The following KIRREL3 variants were observed in gnomAD, a reference collection of about 807,000 sequenced individuals.
KIRREL3 encodes kin of IRRE-like protein 3.
A neutral mutation model predicts 89.7 loss-of-function variants in KIRREL3; 36 were observed. The ratio of observed to expected loss-of-function variants is 0.40; its 90% CI spans 0.31 to 0.53. The LOEUF (loss-of-function observed/expected upper bound fraction) is 0.53. Ranked by LOEUF, KIRREL3 falls within the 20% of genes least tolerant of loss-of-function variation. KIRREL3 has a pLI of 0.49. For missense variants in KIRREL3, 864 were observed against 1,056.6 expected (o/e 0.82, Z 2.53); for synonymous variants, 445 against 441.4 (o/e 1.01, Z -0.10).
chr11:126,942,333 G>GTCA (rs908803200), intron 1 of KIRREL3, among the ~76,000 whole-genome samples: 14 of 152,018 alleles, frequency 9.2e-5, no homozygotes, highest in East Asian at 1.9e-4. Flanking sequence ...TTAACATGAT[G>GTCA]TCATCATCAT....
chr11:126,450,832 TGC>T (rs1956052587), intron 7 of KIRREL3, among the ~76,000 whole-genome samples: 1 of 150,250 alleles, frequency 6.7e-6, no homozygotes, highest in Non-Finnish European at 1.5e-5. Context: ...TATGTGTGTA[TGC>T]GTGTATAGAT....
rs1382310357 is a variant in KIRREL3, at chr11:126,431,468, G to A, written c.1647C>T (p.Leu549=). The A allele has an allele frequency of 2.9e-5, 46 of 1,613,906 alleles. No individual in the cohort carries two copies. The highest frequency in any genetic ancestry group is 3.8e-5 in the Non-Finnish European group (45 of 1,179,896). The change falls in exon 14 of 17, where the codon CTC becomes CTT. Residue 549 remains leucine, a synonymous_variant. Coordinates refer to ENST00000525144, the MANE Select transcript of KIRREL3 (RefSeq NM_032531.4). This position sits in a 1 kb window ranked among gnomAD's most constrained non-coding sequence, Gnocchi z 7.1. ...GVAVGAGVAF[L]VLMATIVAFC... Reference sequence around the variant, plus strand: ...ACGCCACGATGGTTGCCATAAGGACGAGGAAGGCCACACCAGCTCCTACGG... The same window carrying A: ...ACGCCACGATGGTTGCCATAAGGACAAGGAAGGCCACACCAGCTCCTACGG...
rs1944208828 is a variant in KIRREL3 at position 126,635,030 on chromosome 11, C to A, written c.56-72118G>T. Among the ~76,000 whole-genome samples the A allele has an allele frequency of 6.6e-6, 1 of 152,184 alleles. No individual in the cohort carries two copies. Among genetic ancestry groups the A allele is most frequent in the Admixed American group, 6.5e-5 (1 of 15,282 alleles). On this transcript the variant is annotated intron_variant, in intron 1 of 16. Coordinates refer to ENST00000525144, the MANE Select transcript of KIRREL3 (RefSeq NM_032531.4). The surrounding 1 kb of genome is among the most constrained non-coding windows in gnomAD (Gnocchi z 4.0). ...AGTTCCAGCTTCTGGGCTCTTCTTG[C>A]CCCTAAACTTCTCCTCGATCAGGAG...
intron 1 of KIRREL3, among the ~76,000 whole-genome samples, chr11:126,835,449 T>C (rs1943746414): frequency 2.0e-5 from 3 of 152,198 alleles, no homozygotes; most frequent in African/African-American, 7.2e-5. Flanking sequence ...AGATTGAAGC[T>C]CCTTGCAAAT....
At chr11:126,932,581 C>G (rs2135061692) in intron 1 of KIRREL3, among the ~76,000 whole-genome samples, 1 of 152,330 alleles carries the variant, frequency 6.6e-6, no homozygotes, top group East Asian at 1.9e-4. Context: ...CAATAAGCAG[C>G]AGGTCCCTGT....
chr11:126,577,522 G>A (rs1387876679), intron 1 of KIRREL3, among the ~76,000 whole-genome samples: 1 of 150,020 alleles, frequency 6.7e-6, no homozygotes, highest in Non-Finnish European at 1.5e-5. Context: ...CGAGGCAGGT[G>A]GATCACCTGA....
chr11:126,850,187 T>C (rs4590881), intron 1 of KIRREL3, among the ~76,000 whole-genome samples: 128,730 of 151,782 alleles, frequency 0.85, 54,789 homozygotes, highest in East Asian at 1. Context: ...CAGAGCACTT[T>C]GGAATTTCCA....
chr11:126,842,131 AG>A (rs1478193908), intron 1 of KIRREL3, among the ~76,000 whole-genome samples: 4 of 151,958 alleles, frequency 2.6e-5, no homozygotes, highest in Non-Finnish European at 4.4e-5. Flanking sequence ...AGGGAAGGGG[AG>A]CCGCTGAGCC....
chr11:126,954,108 C>G lies in KIRREL3; in HGVS notation c.55+46347G>C, dbSNP rs1430841601. Reference sequence around the variant, plus strand: ...TCGGTCTGTGAGCGCCTCTAATACCCTATGTGGTTTCTTGAGATTTCCAAA... The same window carrying G: ...TCGGTCTGTGAGCGCCTCTAATACCGTATGTGGTTTCTTGAGATTTCCAAA... On this transcript the variant is annotated intron_variant, in intron 1 of 16. Coordinates refer to ENST00000525144, the MANE Select transcript of KIRREL3 (RefSeq NM_032531.4). This position sits in a 1 kb window ranked among gnomAD's most constrained non-coding sequence, Gnocchi z 4.1. Among the ~76,000 whole-genome samples, 1 of 151,960 alleles carries G rather than the reference C, an allele frequency of 6.6e-6. No homozygotes were observed. Among genetic ancestry groups the G allele is most frequent in the African/African-American group, 2.4e-5 (1 of 41,374 alleles).
rs1958957143 is a variant in KIRREL3, at chr11:126,531,957, T to A, written c.134-5270A>T. On this transcript the variant is annotated intron_variant, in intron 2 of 16. Coordinates refer to ENST00000525144, the MANE Select transcript of KIRREL3 (RefSeq NM_032531.4). This position sits in a 1 kb window ranked among gnomAD's most constrained non-coding sequence, Gnocchi z 4.7. ...AAATTGCTTTTGCATTATGAACTAC[T>A]AACCCGGCAGATACTGTTCAGAGCA... is the stretch of plus-strand genomic sequence containing the variant. Among the ~76,000 whole-genome samples, 1 of 152,140 alleles carries A rather than the reference T, an allele frequency of 6.6e-6. No homozygotes were observed. The highest frequency in any genetic ancestry group is 2.1e-4 in the South Asian group (1 of 4,834).
chr11:126,507,133 A>T (rs764058097), intron 4 of KIRREL3, among the ~76,000 whole-genome samples: 1 of 152,224 alleles, frequency 6.6e-6, no homozygotes, highest in African/African-American at 2.4e-5. Flanking sequence ...CACATATGAT[A>T]TGATTCTACT....
Position 126,639,654 on chromosome 11 carries a change from C to T in KIRREL3, c.56-76742G>A, listed in dbSNP as rs1944395803. Among the ~76,000 whole-genome samples the T allele has an allele frequency of 6.6e-6, 1 of 152,222 alleles. No homozygotes were observed. Among genetic ancestry groups the T allele is most frequent in the Admixed American group, 6.5e-5 (1 of 15,282 alleles). ...TCGTCTGCTCTGCTAGCTGGCCCTA[C>T]TTGTACAATTAATATTCTCCCTGGT... On this transcript the variant is annotated intron_variant, in intron 1 of 16. Coordinates refer to ENST00000525144, the MANE Select transcript of KIRREL3 (RefSeq NM_032531.4). This position sits in a 1 kb window ranked among gnomAD's most constrained non-coding sequence, Gnocchi z 4.3.
intron 6 of KIRREL3, among the ~76,000 whole-genome samples, chr11:126,457,883 G>A (rs11220501): frequency 0.16 from 24,757 of 152,112 alleles, 2,494 homozygotes; most frequent in East Asian, 0.38. Flanking sequence ...ACAGCTCGAG[G>A]GGGCTGCAGC....
rs1418257530 is a variant in KIRREL3, at chr11:126,522,085, G to A, written c.284-621C>T. On this transcript the variant is annotated intron_variant, in intron 3 of 16. Transcript: ENST00000525144. This position sits in a 1 kb window ranked among gnomAD's most constrained non-coding sequence, Gnocchi z 6.0. ...GGTTTCAAGTTTAGGAAAATCGGAG[G>A]AGCCACTGTTAGAAAGGAAAGAGGG... is the stretch of plus-strand genomic sequence containing the variant. 6.6e-6 allele frequency among the ~76,000 whole-genome samples: 1 copy of A among 152,074 alleles called. No homozygotes were observed.
At chr11:126,889,696 G>A (rs1945836886) in intron 1 of KIRREL3, among the ~76,000 whole-genome samples, 2 of 152,282 alleles carry the variant, frequency 1.3e-5, no homozygotes. Flanking sequence ...ACATTGAGAC[G>A]ACAGCTTCTT....
At chr11:126,580,778 T>C (rs906897003) in intron 1 of KIRREL3, among the ~76,000 whole-genome samples, 3 of 151,548 alleles carry the variant, frequency 2.0e-5, no homozygotes, top group Admixed American at 1.3e-4. Flanking sequence ...ACTCTGTCTG[T>C]CTAAAATAAC....
rs528741465 is a variant in KIRREL3 at position 126,566,923 on chromosome 11, A to T, written c.56-4011T>A. ...CAAACTGAGGCTCAGAAGTAAAGTGACAATTTAAGGCCAACACACTAGCTG... is the reference window on the plus strand; with the variant it reads ...CAAACTGAGGCTCAGAAGTAAAGTGTCAATTTAAGGCCAACACACTAGCTG... On this transcript the variant is annotated intron_variant, in intron 1 of 16. Transcript: ENST00000525144. The surrounding 1 kb of genome is among the most constrained non-coding windows in gnomAD (Gnocchi z 4.9). 2.8e-4 allele frequency among the ~76,000 whole-genome samples: 42 copies of T among 152,302 alleles called. No individual in the cohort carries two copies. The highest frequency in any genetic ancestry group is 2.6e-4 in the Non-Finnish European group (18 of 68,020).
At position 126,462,849 on chromosome 11, in the gene KIRREL3, AG is replaced by A; in HGVS notation, c.742+307del. On this transcript the variant is annotated intron_variant, in intron 6 of 16. Transcript: ENST00000525144. This position sits in a 1 kb window ranked among gnomAD's most constrained non-coding sequence, Gnocchi z 4.8. ...TCCACTCAGACTTCCCCTCCAACAGAGGGGCCACCGGCTAGGCCAGCAGAGG... is the reference window on the plus strand; with the variant it reads ...TCCACTCAGACTTCCCCTCCAACAGAGGGCCACCGGCTAGGCCAGCAGAGG... 6.6e-6 allele frequency among the ~76,000 whole-genome samples: 1 copy of A among 152,080 alleles called. No individual in the cohort carries two copies. Among genetic ancestry groups the A allele is most frequent in the Non-Finnish European group, 1.5e-5 (1 of 67,980 alleles).
At position 126,876,348 on chromosome 11, in the gene KIRREL3, G is replaced by A. The variant is rs1945286125; in HGVS notation, c.55+124107C>T. Among the ~76,000 whole-genome samples the A allele has an allele frequency of 6.6e-6, 1 of 152,146 alleles. No homozygotes were observed. The highest frequency in any genetic ancestry group is 1.5e-5 in the Non-Finnish European group (1 of 68,024). On this transcript the variant is annotated intron_variant, in intron 1 of 16. Coordinates refer to ENST00000525144, the MANE Select transcript of KIRREL3 (RefSeq NM_032531.4). This position sits in a 1 kb window ranked among gnomAD's most constrained non-coding sequence, Gnocchi z 4.1. ...GGCACGGACTACAGAAAGGGAAAAT[G>A]TGGAGAAGCAGATAGCAATGTGGTA...
Sources: gnomAD v4.1 joint callset for allele counts (sites outside exome capture counted in the v4.1 genomes callset) on GRCh38, gnomAD v4.1.1 for gene constraint, Gnocchi (gnomAD v3.1) non-coding constraint, MANE v1.5 for transcripts, NCBI Gene and HGNC (gene_info 2026-07-23, HGNC 2026-07-21) for gene names.